TMEM184B: variants seen among roughly 807,000 people sequenced by gnomAD.
TMEM184B encodes the protein transmembrane protein 184B.
In TMEM184B, 17 loss-of-function variants were observed where a neutral mutation model predicts 41.8. The observed-to-expected ratio is 0.41, with a 90% CI of 0.28 to 0.61. The LOEUF (loss-of-function observed/expected upper bound fraction) is 0.61, where lower values mean the gene tolerates loss of function less well. TMEM184B is among the 20% of genes least tolerant of loss of function. The pLI is 0.34. For synonymous variants in TMEM184B, 240 were observed against 229.5 expected (o/e 1.05, Z -0.41); for missense variants, 393 against 557.8 (o/e 0.70, Z 2.98).
intron 1 of TMEM184B, among the ~76,000 whole-genome samples, chr22:38,257,186 GC>G (rs1321078682): frequency 1.7e-4 from 26 of 151,986 alleles, no homozygotes; most frequent in Middle Eastern, 3.4e-3. Context: ...TCCTCTCATA[GC>G]TGAACTCCTA....
chr22:38,231,245 CA>C lies in TMEM184B; in HGVS notation c.447del (p.Ile149MetfsTer22). 6.2e-7 allele frequency: 1 copy of C among 1,613,914 alleles called. No individual in the cohort carries two copies. Among genetic ancestry groups the C allele is most frequent in the Admixed American group, 1.7e-5 (1 of 60,018 alleles). ...SIMSEIRGKP[I>X]ESSCMYGTCC... ...GCTCTGGGAAGACTCCATACTCACT[CA>C]ATGGGTTTTCCTCTGATCTCCGACA... On this transcript the variant is annotated frameshift_variant and splice_region_variant, in exon 4 of 9. Transcript: ENST00000361906. LOFTEE classifies it high-confidence loss of function.
chr22:38,225,047 G>A lies in TMEM184B; in HGVS notation c.788-68C>T. ...TTCCTGCTCCCCCTTCTTCCACAAT[G>A]CCCCATTCAGCTGCCCACATGCCCC... is the stretch of plus-strand genomic sequence containing the variant. On this transcript the variant is annotated intron_variant, in intron 7 of 8. Transcript: ENST00000361906. The surrounding 1 kb of genome is among the most constrained non-coding windows in gnomAD (Gnocchi z 4.4). 1 of 1,447,604 alleles carries A rather than the reference G, an allele frequency of 6.9e-7. No homozygotes were observed. Among genetic ancestry groups the A allele is most frequent in the South Asian group, 1.4e-5 (1 of 72,946 alleles). The allele number at this position is 1,447,604 out of a possible 1,614,324, so 89.7% of individuals were successfully genotyped here. A position where few individuals can be genotyped will look rare whatever the true frequency, so the allele number is the denominator to read the frequency against.
rs2005968 is a variant in TMEM184B, at chr22:38,221,716, G to A, written c.983-6C>T. The A allele has an allele frequency of 0.013, 21,331 of 1,613,202 alleles. 1,293 individuals carry two copies. The African/African-American group carries it at 0.17, about 13-fold the overall frequency. On this transcript the variant is annotated splice_polypyrimidine_tract_variant and splice_region_variant and intron_variant, in intron 8 of 8. Coordinates refer to ENST00000361906, the MANE Select transcript of TMEM184B (RefSeq NM_012264.5). Reference sequence around the variant, plus strand: ...CTTCATGGGGGCACAGCGGCCTGCCGGGCAGGGAGCGGGAGGGGCAGGTGA... The same window carrying A: ...CTTCATGGGGGCACAGCGGCCTGCCAGGCAGGGAGCGGGAGGGGCAGGTGA...
rs375962893 is a variant in TMEM184B at position 38,225,597 on chromosome 22, C to T, written c.618-4G>A. The stretch of plus-strand genomic sequence containing the variant: ...GTAGAGGTAGCCACTGGTGACGCTG[C>T]GGGACGGGGAGCATTTTCTGGCTGG... On this transcript the variant is annotated splice_polypyrimidine_tract_variant and splice_region_variant and intron_variant, in intron 6 of 8. Coordinates refer to ENST00000361906, the MANE Select transcript of TMEM184B (RefSeq NM_012264.5). This position sits in a 1 kb window ranked among gnomAD's most constrained non-coding sequence, Gnocchi z 4.4. 36 of 1,602,314 alleles carry T rather than the reference C, an allele frequency of 2.2e-5. No homozygotes were observed. The highest frequency in any genetic ancestry group is 1.7e-4 in the Middle Eastern group (1 of 6,002).
chr22:38,272,758 G>A, intron 1 of TMEM184B, 126 bp downstream of exon 1: 2 of 985,226 alleles, frequency 2.0e-6, no homozygotes, highest in Non-Finnish European at 1.2e-6. Context: ...TGCCCTCCCC[G>A]CCCGGGAGCC....
intron 1 of TMEM184B, among the ~76,000 whole-genome samples, chr22:38,265,717 T>C (rs2092434574): frequency 1.3e-5 from 2 of 152,214 alleles, no homozygotes; most frequent in Non-Finnish European, 2.9e-5. Context: ...ACACATACCC[T>C]TCACCAACAT....
At chr22:38,272,618 A>G in intron 1 of TMEM184B, 1 of 985,460 alleles carries the variant, frequency 1.0e-6, no homozygotes, top group Non-Finnish European at 1.2e-6. Flanking sequence ...ATTACACTCC[A>G]GGAGCTGCCC....
chr22:38,246,899 G>A, intron 2 of TMEM184B: 1 of 1,299,088 alleles, frequency 7.7e-7, no homozygotes, highest in South Asian at 1.2e-5. Context: ...GGGAGGAAAA[G>A]AACAAAATAT....
intron 4 of TMEM184B, 144 bp downstream of exon 4, chr22:38,231,100 C>A: frequency 1.3e-6 from 1 of 757,194 alleles, no homozygotes. Context: ...AGAAGAATGG[C>A]GTTGCTCAGG....
At chr22:38,252,738 G>A (rs5995559) in intron 1 of TMEM184B, among the ~76,000 whole-genome samples, 79 of 152,282 alleles carry the variant, frequency 5.2e-4, no homozygotes, top group African/African-American at 1.5e-3. Flanking sequence ...ACTCCACCAC[G>A]TGCAACCTGC....
chr22:38,237,284 AG>A (rs1174359027), intron 3 of TMEM184B, among the ~76,000 whole-genome samples: 1 of 152,222 alleles, frequency 6.6e-6, no homozygotes, highest in Non-Finnish European at 1.5e-5. Flanking sequence ...CCGGGCTTTG[AG>A]AAAAGACTCA....
chr22:38,270,152 A>C (rs1330467495), intron 1 of TMEM184B, among the ~76,000 whole-genome samples: 1 of 152,154 alleles, frequency 6.6e-6, no homozygotes, highest in Non-Finnish European at 1.5e-5. Context: ...AGACCTCCAC[A>C]TCTGCCCGGA....
chr22:38,233,757 G>T (rs1056881976), intron 3 of TMEM184B, among the ~76,000 whole-genome samples: 124 of 147,272 alleles, frequency 8.4e-4, no homozygotes, highest in African/African-American at 2.8e-3. Context: ...ATTTTTTTTT[G>T]TTGTTTTTGT....
downstream of TMEM184B, chr22:38,216,495 T>C (rs912773147): frequency 5.1e-5 from 8 of 156,974 alleles, no homozygotes; most frequent in African/African-American, 1.8e-4. Context: ...ATTCTTTCTT[T>C]TTCCACAGAG....
At chr22:38,221,849 G>T in intron 8 of TMEM184B, 139 bp from the exon 9 acceptor site, 1 of 1,247,948 alleles carries the variant, frequency 8.0e-7, no homozygotes, top group Non-Finnish European at 1.1e-6. Context: ...CTGGGACAGA[G>T]AATGGGGTCC....
intron 8 of TMEM184B, among the ~76,000 whole-genome samples, chr22:38,224,335 C>G (rs1455295111): frequency 2.0e-5 from 3 of 152,156 alleles, no homozygotes; most frequent in South Asian, 2.1e-4. Context: ...AGGATGGTCT[C>G]GATCTCCTGA....
intron 5 of TMEM184B, among the ~76,000 whole-genome samples, chr22:38,228,779 C>T (rs980192340): frequency 6.6e-6 from 1 of 152,190 alleles, no homozygotes; most frequent in Non-Finnish European, 1.5e-5. Flanking sequence ...CTCTCCCTGC[C>T]ACCGCCAGGA....
intron 8 of TMEM184B, chr22:38,222,606 T>C (rs2091291743): frequency 1.0e-6 from 1 of 985,242 alleles, no homozygotes; most frequent in Non-Finnish European, 1.2e-6. Flanking sequence ...AGAACTGACA[T>C]GCAGGACAGA....
chr22:38,231,213 G>A (rs375672932), intron 4 of TMEM184B, 31 bp downstream of exon 4: 1 of 1,596,238 alleles, frequency 6.3e-7, no homozygotes, highest in South Asian at 1.1e-5. Context: ...AAACGGGGTG[G>A]TTTAGGGCTC....
Sources: gnomAD v4.1 joint callset for allele counts (sites outside exome capture counted in the v4.1 genomes callset) on GRCh38, gnomAD v4.1.1 for gene constraint, Gnocchi (gnomAD v3.1) non-coding constraint, MANE v1.5 for transcripts, NCBI Gene and HGNC (gene_info 2026-07-23, HGNC 2026-07-21) for gene names.